The following AOAH variants were observed in gnomAD, a reference collection of about 807,000 sequenced individuals.
The protein encoded by AOAH is acyloxyacyl hydrolase.
A neutral mutation model predicts 92.2 loss-of-function variants in AOAH; 64 were observed. The ratio of observed to expected loss-of-function variants is 0.69; its 90% CI spans 0.57 to 0.86. The LOEUF is 0.86. Ranked by LOEUF, AOAH falls within the 40% of genes least tolerant of loss-of-function variation. AOAH has a pLI of 0.00. For missense variants in AOAH, 656 were observed against 694.6 expected (o/e 0.94, Z 0.62); for synonymous variants, 263 against 254.5 (o/e 1.03, Z -0.32).
At chr7:36,584,346 G>A (rs1789151547) in intron 12 of AOAH, among the ~76,000 whole-genome samples, 2 of 152,182 alleles carry the variant, frequency 1.3e-5, no homozygotes, top group Admixed American at 1.3e-4. Flanking sequence ...AAGCATTGAG[G>A]TGGCCTAAAA....
At chr7:36,657,629 G>A (rs1794968333) in intron 4 of AOAH, among the ~76,000 whole-genome samples, 1 of 152,324 alleles carries the variant, frequency 6.6e-6, no homozygotes, top group African/African-American at 2.4e-5. Context: ...GAAAGTGAAG[G>A]GGGCTGTCCA....
intron 6 of AOAH, among the ~76,000 whole-genome samples, chr7:36,631,225 T>C (rs189121020): frequency 1.1e-4 from 16 of 152,042 alleles, no homozygotes; most frequent in African/African-American, 3.1e-4. Context: ...TGTGCGCCTG[T>C]AATCCCAGCT....
intron 5 of AOAH, among the ~76,000 whole-genome samples, chr7:36,632,982 G>A (rs1423709218): frequency 6.6e-6 from 1 of 152,210 alleles, no homozygotes; most frequent in East Asian, 1.9e-4. Flanking sequence ...AGACAAAGAG[G>A]CTGTCCTTGT....
chr7:36,522,027 G>A lies in AOAH; in HGVS notation c.1599+12C>T. On this transcript the variant is annotated intron_variant, in intron 20 of 20. Transcript: ENST00000617537. ...AAATAGCCTTCTGCAGCCACCATGT[G>A]ACTGTGCTTACCTCGTTGGGGTGGA... The A allele has an allele frequency of 6.2e-7, 1 of 1,612,756 alleles. No individual in the cohort carries two copies. Among genetic ancestry groups the A allele is most frequent in the South Asian group, 1.1e-5 (1 of 91,036 alleles).
chr7:36,550,888 G>T (rs980217843), intron 13 of AOAH, among the ~76,000 whole-genome samples: 1 of 152,116 alleles, frequency 6.6e-6, no homozygotes, highest in South Asian at 2.1e-4. Flanking sequence ...GCCATGAAGG[G>T]TATGCTGGCC....
intron 6 of AOAH, among the ~76,000 whole-genome samples, chr7:36,624,783 G>A (rs975821520): frequency 1.3e-5 from 2 of 152,162 alleles, no homozygotes; most frequent in Non-Finnish European, 2.9e-5. Flanking sequence ...GGCCAACATG[G>A]CCTCTTGTTT....
chr7:36,545,140 C>T (rs569075847), intron 15 of AOAH, among the ~76,000 whole-genome samples: 2 of 152,110 alleles, frequency 1.3e-5, no homozygotes, highest in East Asian at 1.9e-4. Flanking sequence ...CAGGGTTGAA[C>T]TCCTGGGCTC....
chr7:36,691,531 G>A (rs906233278), intron 1 of AOAH, among the ~76,000 whole-genome samples: 1 of 152,140 alleles, frequency 6.6e-6, no homozygotes, highest in Non-Finnish European at 1.5e-5. Flanking sequence ...GAATGGAAAG[G>A]AGGAAAAGGA....
At chr7:36,605,050 A>G (rs1038781397) in intron 11 of AOAH, among the ~76,000 whole-genome samples, 1 of 152,146 alleles carries the variant, frequency 6.6e-6, no homozygotes, top group African/African-American at 2.4e-5. Flanking sequence ...TTAGGTCATC[A>G]CTAATGACCT....
chr7:36,559,428 A>G (rs976879326), intron 13 of AOAH, among the ~76,000 whole-genome samples: 2 of 152,146 alleles, frequency 1.3e-5, no homozygotes, highest in African/African-American at 2.4e-5. Flanking sequence ...TGACTTTGTA[A>G]TAATAGCCAT....
chr7:36,717,719 CTCT>C (rs1386421466), intron 1 of AOAH, among the ~76,000 whole-genome samples: 1 of 125,322 alleles, frequency 8.0e-6, no homozygotes, highest in Non-Finnish European at 1.6e-5. Context: ...TCCTCTTTTT[CTCT>C]TCTTATTTTT....
At chr7:36,711,797 C>T (rs1408874482) in intron 1 of AOAH, among the ~76,000 whole-genome samples, 1 of 152,104 alleles carries the variant, frequency 6.6e-6, no homozygotes, top group African/African-American at 2.4e-5. Flanking sequence ...GTCCAGACTG[C>T]ATGGCTAAGC....
At chr7:36,627,492 A>T (rs1792755024) in intron 6 of AOAH, among the ~76,000 whole-genome samples, 1 of 151,906 alleles carries the variant, frequency 6.6e-6, no homozygotes. Context: ...CAGTTTTCTC[A>T]TTGGTAAAGT....
At chr7:36,643,485 C>T (rs1213693391) in intron 4 of AOAH, among the ~76,000 whole-genome samples, 1 of 152,108 alleles carries the variant, frequency 6.6e-6, no homozygotes, top group Non-Finnish European at 1.5e-5. Context: ...GTCAAAAAGC[C>T]ACGCACCTGG....
intron 1 of AOAH, among the ~76,000 whole-genome samples, chr7:36,700,331 C>A (rs1288418447): frequency 6.6e-6 from 1 of 152,006 alleles, no homozygotes; most frequent in East Asian, 1.9e-4. Context: ...ACTCCTTTCC[C>A]TTCCTTCACT....
rs1430772604 is a variant in AOAH, at chr7:36,721,972, C to A, written c.127+2050G>T. Reference sequence around the variant, plus strand: ...CTGCCAGGTAAGAAAGCCTACTACCCAAGATAGCCATGTGTGGGCACTCTG... The same window carrying A: ...CTGCCAGGTAAGAAAGCCTACTACCAAAGATAGCCATGTGTGGGCACTCTG... On this transcript the variant is annotated intron_variant, in intron 1 of 20. Transcript: ENST00000617537. 2.0e-5 allele frequency among the ~76,000 whole-genome samples: 3 copies of A among 152,126 alleles called. No homozygotes were observed. In the East Asian group the frequency reaches 5.8e-4, roughly 29 times the overall value.
At chr7:36,721,374 C>T (rs957898173) in intron 1 of AOAH, among the ~76,000 whole-genome samples, 1 of 152,204 alleles carries the variant, frequency 6.6e-6, no homozygotes, top group African/African-American at 2.4e-5. Context: ...CTGCCTTCCT[C>T]TCTTGCTCGT....
intron 4 of AOAH, among the ~76,000 whole-genome samples, chr7:36,658,674 C>T (rs979655159): frequency 1.3e-5 from 2 of 152,084 alleles, no homozygotes; most frequent in Admixed American, 6.5e-5. Context: ...ATTAGCTCAC[C>T]GACTTCCCAC....
At chr7:36,693,805 C>T (rs1419661553) in intron 1 of AOAH, among the ~76,000 whole-genome samples, 2 of 152,094 alleles carry the variant, frequency 1.3e-5, no homozygotes, top group Non-Finnish European at 2.9e-5. Context: ...TTGAGAAATA[C>T]CACTTATTCA....
Sources: gnomAD v4.1 joint callset for allele counts (sites outside exome capture counted in the v4.1 genomes callset) on GRCh38, gnomAD v4.1.1 for gene constraint, MANE v1.5 for transcripts, NCBI Gene and HGNC (gene_info 2026-07-23, HGNC 2026-07-21) for gene names.